Variants in CEP63 observed in about 807,000 individuals in gnomAD.
CEP63 encodes centrosomal protein of 63 kDa.
CEP63 carries 84 observed loss-of-function variants against 89.1 expected under a neutral mutation model. The observed-to-expected ratio is 0.94, with a 90% CI of 0.79 to 1.13. CEP63 has a LOEUF of 1.13. Among genes scored for constraint, CEP63 ranks in the 50% most tolerant of loss-of-function variants. The probability of loss-of-function intolerance (pLI) is 0.00; values close to 1 mark genes in which losing one functional copy is unlikely to be tolerated. For synonymous variants in CEP63, 267 were observed against 272.5 expected (o/e 0.98, Z 0.20); for missense variants, 838 against 813.3 (o/e 1.03, Z -0.37).
the CEP63 span, among the ~76,000 whole-genome samples, chr3:134,736,709 A>G: frequency 6.6e-6 from 1 of 152,224 alleles, no homozygotes; most frequent in African/African-American, 2.4e-5. Context: ...GGAAAACTCA[A>G]TATCATAAAT....
At chr3:134,633,631 G>C in the CEP63 span, among the ~76,000 whole-genome samples, 1 of 151,996 alleles carries the variant, frequency 6.6e-6, no homozygotes, top group Non-Finnish European at 1.5e-5. Flanking sequence ...CCTACAAAAA[G>C]CATACAGCTA....
chr3:134,702,107 A>G, the CEP63 span, among the ~76,000 whole-genome samples: 2 of 152,328 alleles, frequency 1.3e-5, no homozygotes, highest in East Asian at 1.9e-4. Flanking sequence ...ATGAACTTCC[A>G]TTCACAATTG....
intron 14 of CEP63, 58 bp from the exon 15 acceptor site, chr3:134,561,319 A>C: frequency 6.9e-7 from 1 of 1,444,322 alleles, no homozygotes; most frequent in East Asian, 2.3e-5. Context: ...TGAACAGTGT[A>C]TCTTAGAAAT....
At chr3:134,618,944 TCGCGAAGCC>T in the CEP63 span, among the ~76,000 whole-genome samples, 1 of 152,212 alleles carries the variant, frequency 6.6e-6, no homozygotes, top group Middle Eastern at 3.2e-3. Flanking sequence ...TGTTAATGCA[TCGCGAAGCC>T]CGGCAGATGG....
At chr3:134,765,640 C>T in the CEP63 span, among the ~76,000 whole-genome samples, 4 of 152,070 alleles carry the variant, frequency 2.6e-5, no homozygotes, top group Non-Finnish European at 4.4e-5. Flanking sequence ...GTCATGGTGT[C>T]ATATGGAAAC....
chr3:134,569,331 G>A (rs1051370273), downstream of CEP63, among the ~76,000 whole-genome samples: 2 of 152,216 alleles, frequency 1.3e-5, no homozygotes, highest in African/African-American at 2.4e-5. Context: ...AATCTGAGCC[G>A]ATGAGCCTGT....
At chr3:134,577,742 G>A (rs908559597), downstream of CEP63, among the ~76,000 whole-genome samples, 2 of 152,046 alleles carry the variant, frequency 1.3e-5, no homozygotes, top group African/African-American at 2.4e-5. Context: ...AAATGCATTA[G>A]CTGTTTGTCC....
chr3:134,765,555 G>A, the CEP63 span, among the ~76,000 whole-genome samples: 2 of 152,346 alleles, frequency 1.3e-5, no homozygotes, highest in South Asian at 4.1e-4. Context: ...CAGAGTAGGA[G>A]AGAACCAGAG....
the CEP63 span, among the ~76,000 whole-genome samples, chr3:134,680,457 TG>T: frequency 2.0e-5 from 3 of 152,222 alleles, no homozygotes; most frequent in Non-Finnish European, 2.9e-5. Flanking sequence ...GCAAGAATTC[TG>T]TACAACCATG....
At chr3:134,695,239 A>G in the CEP63 span, among the ~76,000 whole-genome samples, 8 of 152,186 alleles carry the variant, frequency 5.3e-5, no homozygotes, top group Non-Finnish European at 8.8e-5. Flanking sequence ...TCCTGATTCC[A>G]ATCACAGACC....
chr3:134,608,258 CGTA>C, the CEP63 span: 1 of 1,197,130 alleles, frequency 8.4e-7, no homozygotes, highest in Non-Finnish European at 1.1e-6. Context: ...GCCAGGGTGA[CGTA>C]GTCCTTTTCC....
At chr3:134,607,246 A>G in the CEP63 span, 1 of 985,488 alleles carries the variant, frequency 1.0e-6, no homozygotes, top group African/African-American at 1.7e-5. Context: ...TAGCTGCAGG[A>G]GCTGCCAGGT....
At chr3:134,776,012 T>C in the CEP63 span, among the ~76,000 whole-genome samples, 1 of 152,214 alleles carries the variant, frequency 6.6e-6, no homozygotes, top group Non-Finnish European at 1.5e-5. Context: ...GCCAGTTGCT[T>C]TCTCAGAAAG....
At chr3:134,538,533 G>GTATATA (rs1404514000) in intron 6 of CEP63, among the ~76,000 whole-genome samples, 4,434 of 99,298 alleles carry the variant, frequency 0.045, 279 homozygotes, top group East Asian at 0.19. Flanking sequence ...GTGTGTGTGT[G>GTATATA]TATATATATA....
At chr3:134,582,400 A>G (rs866647861) in intron 10 of CEP63, among the ~76,000 whole-genome samples, 1 of 151,364 alleles carries the variant, frequency 6.6e-6, no homozygotes, top group African/African-American at 2.4e-5. Context: ...CCTCTGTTCA[A>G]CTCCCACCCA....
chr3:134,604,806 G>T, the CEP63 span, among the ~76,000 whole-genome samples: 1 of 152,164 alleles, frequency 6.6e-6, no homozygotes, highest in African/African-American at 2.4e-5. Flanking sequence ...ATTAGATGAA[G>T]GTTGCCTGTG....
At chr3:134,572,489 A>G (rs1457798389) in intron 11 of CEP63, among the ~76,000 whole-genome samples, 2 of 152,168 alleles carry the variant, frequency 1.3e-5, no homozygotes, top group African/African-American at 4.8e-5. Flanking sequence ...TCTCACTTGT[A>G]AGAGAGAACA....
chr3:134,667,177 C>T, the CEP63 span, among the ~76,000 whole-genome samples: 2 of 152,164 alleles, frequency 1.3e-5, no homozygotes, highest in South Asian at 2.1e-4. Context: ...GCCCAGACCT[C>T]GGCAGTCATC....
chr3:134,642,706 T>A, the CEP63 span, among the ~76,000 whole-genome samples: 1 of 152,016 alleles, frequency 6.6e-6, no homozygotes, highest in Non-Finnish European at 1.5e-5. Flanking sequence ...CTGCTATTGG[T>A]CAGGACAAGG....
Sources: allele counts gnomAD v4.1 joint callset (sites outside exome capture counted in the v4.1 genomes callset), GRCh38; gene constraint gnomAD v4.1.1; transcripts MANE v1.5; gene names NCBI Gene and HGNC (gene_info 2026-07-23, HGNC 2026-07-21).